DNM3: variants seen among roughly 807,000 people sequenced by gnomAD.
The protein encoded by DNM3 is dynamin 3.
DNM3 carries 47 observed loss-of-function variants against 101.6 expected under a neutral mutation model. The observed-to-expected ratio is 0.46, with a 90% CI of 0.37 to 0.59. The LOEUF is 0.59. Ranked by LOEUF, DNM3 falls within the 20% of genes least tolerant of loss-of-function variation. DNM3 has a pLI of 0.00. For missense variants in DNM3, 849 were observed against 1,085.7 expected (o/e 0.78, Z 3.06); for synonymous variants, 385 against 387.9 (o/e 0.99, Z 0.09).
chr1:172,119,863 A>G (rs2056191569), intron 13 of DNM3, among the ~76,000 whole-genome samples: 1 of 152,012 alleles, frequency 6.6e-6, no homozygotes, highest in Non-Finnish European at 1.5e-5. Context: ...TTTCTCTCCC[A>G]TCTTCCATAT....
intron 10 of DNM3, among the ~76,000 whole-genome samples, chr1:172,059,855 G>T (rs1408278867): frequency 8.5e-6 from 1 of 118,238 alleles, no homozygotes; most frequent in Non-Finnish European, 1.7e-5. Flanking sequence ...GGGCAATTAG[G>T]CAGGAGAAGG....
intron 14 of DNM3, among the ~76,000 whole-genome samples, chr1:172,216,378 C>T (rs1456150361): frequency 6.6e-6 from 1 of 152,090 alleles, no homozygotes; most frequent in Non-Finnish European, 1.5e-5. Flanking sequence ...TTACACTGCC[C>T]ATTAACCAGT....
intron 2 of DNM3, among the ~76,000 whole-genome samples, chr1:171,956,475 T>C (rs2042864045): frequency 6.6e-6 from 1 of 152,194 alleles, no homozygotes; most frequent in Non-Finnish European, 1.5e-5. Flanking sequence ...TGGGCTCCCA[T>C]GGCCTTGGGT....
intron 7 of DNM3, among the ~76,000 whole-genome samples, chr1:172,041,027 G>A (rs1403218793): frequency 6.6e-6 from 1 of 152,050 alleles, no homozygotes; most frequent in African/African-American, 2.4e-5. Flanking sequence ...GAATTGTGGG[G>A]ATCCATTGAA....
intron 20 of DNM3, 47 bp from the exon 21 acceptor site, chr1:172,407,725 C>G: frequency 6.3e-7 from 1 of 1,582,938 alleles, no homozygotes; most frequent in Non-Finnish European, 8.7e-7. Flanking sequence ...CAATGTTCTG[C>G]TAGATATTCT....
intron 2 of DNM3, among the ~76,000 whole-genome samples, chr1:171,927,334 A>C (rs1261380013): frequency 2.6e-5 from 4 of 152,140 alleles, no homozygotes; most frequent in African/African-American, 7.2e-5. Flanking sequence ...TTATTTCATC[A>C]TCCAGGTTTT....
intron 10 of DNM3, among the ~76,000 whole-genome samples, chr1:172,068,236 G>A (rs895654596): frequency 1.2e-4 from 19 of 152,272 alleles, no homozygotes; most frequent in Non-Finnish European, 2.4e-4. Flanking sequence ...GCTGAGACAG[G>A]AGAATCGCTT....
intron 18 of DNM3, among the ~76,000 whole-genome samples, chr1:172,381,508 T>A (rs1246951540): frequency 1.3e-5 from 2 of 150,322 alleles, no homozygotes; most frequent in Non-Finnish European, 3.0e-5. Context: ...ACATATATTT[T>A]AAAATTATAT....
chr1:171,975,453 T>C (rs2044302065), intron 2 of DNM3, among the ~76,000 whole-genome samples: 1 of 152,208 alleles, frequency 6.6e-6, no homozygotes, highest in Admixed American at 6.5e-5. Flanking sequence ...ATAAATATTT[T>C]TGTAGGACCC....
intron 2 of DNM3, among the ~76,000 whole-genome samples, chr1:171,968,441 AG>A (rs1270011188): frequency 3.9e-5 from 6 of 152,340 alleles, no homozygotes; most frequent in African/African-American, 1.4e-4. Context: ...TGGACCAAGA[AG>A]GCAGAAACGG....
At chr1:172,098,813 G>GT (rs1251235954) in intron 13 of DNM3, among the ~76,000 whole-genome samples, 2 of 152,190 alleles carry the variant, frequency 1.3e-5, no homozygotes, top group Non-Finnish European at 2.9e-5. Flanking sequence ...GCAACAAGTG[G>GT]TAGAACAAAA....
chr1:172,344,748 C>G (rs112372426), intron 17 of DNM3, among the ~76,000 whole-genome samples: 2,932 of 152,272 alleles, frequency 0.019, 53 homozygotes, highest in Non-Finnish European at 0.03. Flanking sequence ...TCCTTTCTCA[C>G]AGTGTTTTAT....
chr1:172,355,629 G>A (rs1168010632), intron 17 of DNM3, among the ~76,000 whole-genome samples: 1 of 152,120 alleles, frequency 6.6e-6, no homozygotes, highest in Non-Finnish European at 1.5e-5. Flanking sequence ...CCAATGTGAC[G>A]TAGTGAACTG....
chr1:171,935,941 G>A (rs2041383146), intron 2 of DNM3, among the ~76,000 whole-genome samples: 1 of 151,574 alleles, frequency 6.6e-6, no homozygotes, highest in Admixed American at 6.6e-5. Context: ...GAACTCCTGA[G>A]CACATTTAAC....
intron 4 of DNM3, among the ~76,000 whole-genome samples, chr1:172,002,422 T>A (rs1278382825): frequency 6.6e-6 from 1 of 152,082 alleles, no homozygotes; most frequent in Non-Finnish European, 1.5e-5. Flanking sequence ...ACAAGTTCTA[T>A]CCAATTCATT....
intron 1 of DNM3, among the ~76,000 whole-genome samples, chr1:171,917,328 T>C (rs2039795627): frequency 1.3e-5 from 2 of 152,214 alleles, no homozygotes; most frequent in South Asian, 4.1e-4. Flanking sequence ...GTGTTCTTTT[T>C]CAGGCTTCCA....
intron 7 of DNM3, among the ~76,000 whole-genome samples, chr1:172,040,303 G>C (rs1038506689): frequency 3.3e-5 from 5 of 152,052 alleles, no homozygotes; most frequent in Admixed American, 3.3e-4. Flanking sequence ...AGCTTCTTTG[G>C]CCTAAATAAT....
chr1:172,329,758 A>G (rs2066102704), intron 17 of DNM3, among the ~76,000 whole-genome samples: 1 of 152,224 alleles, frequency 6.6e-6, no homozygotes, highest in South Asian at 2.1e-4. Context: ...TAAAAAAGCT[A>G]AAACAAAAAA....
At chr1:172,001,032 G>T (rs2125671287) in intron 4 of DNM3, among the ~76,000 whole-genome samples, 2 of 152,110 alleles carry the variant, frequency 1.3e-5, no homozygotes, top group Middle Eastern at 6.8e-3. Flanking sequence ...AAAAATGAGT[G>T]AGAAATGTCC....
Sources: allele counts gnomAD v4.1 joint callset (sites outside exome capture counted in the v4.1 genomes callset), GRCh38; gene constraint gnomAD v4.1.1; transcripts MANE v1.5; gene names NCBI Gene and HGNC (gene_info 2026-07-23, HGNC 2026-07-21).